The following BRCA1 variants were observed in gnomAD, a reference collection of about 807,000 sequenced individuals.
BRCA1 encodes BRCA1 DNA repair associated, also known as breast cancer type 1 susceptibility protein.
In BRCA1, 140 loss-of-function variants were observed where a neutral mutation model predicts 173.7. The observed-to-expected ratio is 0.81, with a 90% confidence interval of 0.70 to 0.93. BRCA1 has a LOEUF of 0.93. BRCA1 is among the 40% of genes least tolerant of loss of function. BRCA1 has a pLI of 0.00. For synonymous variants in BRCA1, 662 were observed against 756.0 expected (o/e 0.88, Z 2.04); for missense variants, 1,983 against 2,172.5 (o/e 0.91, Z 1.73).
chr17:43,162,090 T>C (rs1210200031), intron 1 of BRCA1: 1 of 152,164 alleles, frequency 6.6e-6, no homozygotes, highest in African/African-American at 2.4e-5. Flanking sequence ...TCAAGGGGAT[T>C]GGTTATTACT....
At chr17:43,057,662 C>T (rs1308672556) in intron 18 of BRCA1, among the ~76,000 whole-genome samples, 2 of 151,354 alleles carry the variant, frequency 1.3e-5, no homozygotes, top group African/African-American at 2.4e-5. Flanking sequence ...GGTGAAACCC[C>T]GTCTCTACTT....
intron 16 of BRCA1, among the ~76,000 whole-genome samples, chr17:43,066,675 C>T (rs2052085665): frequency 6.6e-6 from 1 of 151,620 alleles, no homozygotes; most frequent in South Asian, 2.1e-4. Flanking sequence ...TCCCAAAGTG[C>T]TGGGATTACT....
At chr17:43,154,214 G>A (rs1267454462) in intron 1 of BRCA1, among the ~76,000 whole-genome samples, 2 of 150,882 alleles carry the variant, frequency 1.3e-5, no homozygotes, top group African/African-American at 2.4e-5. Flanking sequence ...GGCCAGGCAC[G>A]GGGGCTCACG....
chr17:43,127,451 G>A (rs1027471161), upstream of BRCA1, among the ~76,000 whole-genome samples: 2 of 152,152 alleles, frequency 1.3e-5, no homozygotes, highest in Non-Finnish European at 2.9e-5. Flanking sequence ...AGTGCTCTGT[G>A]TCTAGCTCAA....
chr17:43,075,522 T>A (rs1371665679), intron 13 of BRCA1, among the ~76,000 whole-genome samples: 2 of 152,038 alleles, frequency 1.3e-5, no homozygotes, highest in Non-Finnish European at 2.9e-5. Flanking sequence ...CTAGGCCCCC[T>A]GGATTGAAGA....
At chr17:43,164,818 G>A (rs562280051) in intron 1 of BRCA1, 14 of 152,298 alleles carry the variant, frequency 9.2e-5, no homozygotes, top group African/African-American at 3.4e-4. Context: ...AAATTCTAGG[G>A]GTGGTACATG....
chr17:43,169,840 A>C, intron 1 of BRCA1: 1 of 307,012 alleles, frequency 3.3e-6, no homozygotes. Flanking sequence ...CCCCGTCCAG[A>C]ACGTCTCAGC....
At chr17:43,089,352 T>C in intron 11 of BRCA1, among the ~76,000 whole-genome samples, 1 of 151,990 alleles carries the variant, frequency 6.6e-6, no homozygotes. Context: ...AAGAGCCTGG[T>C]TCTATGATGA....
At chr17:43,145,065 A>G (rs1246782212) in intron 1 of BRCA1, 6 of 813,056 alleles carry the variant, frequency 7.4e-6, no homozygotes, top group Non-Finnish European at 1.3e-5. Context: ...GCGAAGCCGA[A>G]AAAGGCAGCA....
intron 7 of BRCA1, 67 bp from the exon 8 acceptor site, chr17:43,097,356 T>A (rs2154522048): frequency 2.3e-6 from 3 of 1,286,620 alleles, no homozygotes; most frequent in Non-Finnish European, 3.4e-6. Context: ...TAAAAAAATG[T>A]ACTTGTTGAA....
chr17:43,148,489 A>G (rs2056138307), intron 1 of BRCA1: 1 of 152,206 alleles, frequency 6.6e-6, no homozygotes, highest in African/African-American at 2.4e-5. Flanking sequence ...TCTTGTGGGC[A>G]GGGGTGGGGG....
chr17:43,136,269 T>A (rs546967350), intron 1 of BRCA1, among the ~76,000 whole-genome samples: 10 of 152,276 alleles, frequency 6.6e-5, no homozygotes, highest in Admixed American at 2.6e-4. Flanking sequence ...CCTTACACCT[T>A]ATACAAAAAT....
chr17:43,095,185 C>G (rs2054081316), intron 9 of BRCA1, among the ~76,000 whole-genome samples: 2 of 152,318 alleles, frequency 1.3e-5, no homozygotes, highest in African/African-American at 4.8e-5. Context: ...CTAAAGATTA[C>G]TGGCCATTAA....
chr17:43,081,177 A>T (rs1015991067), intron 12 of BRCA1, among the ~76,000 whole-genome samples: 2 of 152,248 alleles, frequency 1.3e-5, no homozygotes, highest in African/African-American at 4.8e-5. Context: ...GTCTGTGTTT[A>T]GACTGAAGAT....
chr17:43,123,349 GTTT>G (rs149379936), intron 2 of BRCA1, among the ~76,000 whole-genome samples: 6 of 85,160 alleles, frequency 7.0e-5, no homozygotes, highest in East Asian at 3.6e-4. Flanking sequence ...GATCATCCAT[GTTT>G]TTTTTTTTTT....
At position 43,151,915 on chromosome 17, in the gene BRCA1, A is replaced by AT. The variant is rs530979481; in HGVS notation, c.-20+18210dup. The stretch of plus-strand genomic sequence containing the variant: ...TGTCTCTTAAAAAATAAAAATATAC[A>AT]TTTTTTTCTGTAGTAATTTGGAAGT... On this transcript the variant is annotated intron_variant, in intron 1 of 7. Transcript: ENST00000634433. Among the ~76,000 whole-genome samples, 694 of 152,098 alleles carry AT rather than the reference A, an allele frequency of 4.6e-3. 4 individuals are homozygous for AT. Among genetic ancestry groups the AT allele is most frequent in the Middle Eastern group, 0.01 (3 of 294 alleles).
rs2054783250 is a variant in BRCA1 at position 43,106,493 on chromosome 17, A to C, written c.175T>G (p.Ser59Ala). Residue 59 changes from serine (S) to alanine (A), a missense_variant, in exon 4 of 23, where the codon TCA becomes GCA. Coordinates refer to ENST00000357654, the MANE Select transcript of BRCA1 (RefSeq NM_007294.4). ...LKLLNQKKGP[S>A]QCPLCKNDIT... ...TCATTCTTACATAAAGGACACTGTGAAGGCCCTTTCTTCTGGTTGAGAAGT... is the reference window on the plus strand; with the variant it reads ...TCATTCTTACATAAAGGACACTGTGCAGGCCCTTTCTTCTGGTTGAGAAGT... 6.2e-7 allele frequency: 1 copy of C among 1,604,892 alleles called. No individual in the cohort carries two copies. The highest frequency in any genetic ancestry group is 2.2e-5 in the East Asian group (1 of 44,766).
intron 1 of BRCA1, chr17:43,159,321 AC>A (rs1298310719): frequency 6.2e-5 from 10 of 161,628 alleles, no homozygotes; most frequent in East Asian, 2.6e-4. Context: ...CAGGGGGCTG[AC>A]CCCCCCACCT....
chr17:43,051,784 G>A (rs1010724087), intron 19 of BRCA1, among the ~76,000 whole-genome samples: 1 of 151,830 alleles, frequency 6.6e-6, no homozygotes, highest in East Asian at 1.9e-4. Flanking sequence ...TTACAGGCGC[G>A]CACCACCACG....
Sources: allele counts gnomAD v4.1 joint callset (sites outside exome capture counted in the v4.1 genomes callset), GRCh38; gene constraint gnomAD v4.1.1; transcripts MANE v1.5; gene names NCBI Gene and HGNC (gene_info 2026-07-23, HGNC 2026-07-21).